The following RAD51B variants were observed in gnomAD, a reference collection of about 807,000 sequenced individuals.
RAD51B encodes the protein DNA repair protein RAD51 homolog 2.
In RAD51B, 38 loss-of-function variants were observed where a neutral mutation model predicts 42.2. The observed-to-expected ratio is 0.90, with a 90% CI of 0.70 to 1.18. RAD51B has a LOEUF of 1.18. RAD51B is among the 50% of genes most tolerant of loss of function. RAD51B has a pLI of 0.00. For synonymous variants in RAD51B, 154 were observed against 145.2 expected, an observed-to-expected ratio of 1.06 and a Z score of -0.43; for missense variants, 373 against 400.7, an observed-to-expected ratio of 0.93 and a Z score of 0.59.
chr14:67,935,405 C>T (rs2044901452), intron 7 of RAD51B, among the ~76,000 whole-genome samples: 1 of 152,114 alleles, frequency 6.6e-6, no homozygotes, highest in African/African-American at 2.4e-5. Context: ...TGCTCTCTTG[C>T]CCAAATGGGA....
downstream of RAD51B, among the ~76,000 whole-genome samples, chr14:68,478,999 C>T (rs1882947483): frequency 6.6e-6 from 1 of 152,088 alleles, no homozygotes; most frequent in African/African-American, 2.4e-5. Context: ...CCCCGGGCAG[C>T]AAGGGCAATA....
chr14:68,562,518 G>A, intron 10 of RAD51B: 1 of 985,398 alleles, frequency 1.0e-6, no homozygotes, highest in African/African-American at 1.7e-5. Context: ...CTGCAGGGTG[G>A]AGCCAGCACC....
chr14:67,855,859 TTCC>T (rs2041980778), intron 4 of RAD51B, among the ~76,000 whole-genome samples: 1 of 152,194 alleles, frequency 6.6e-6, no homozygotes, highest in Non-Finnish European at 1.5e-5. Flanking sequence ...CAAATGGATG[TTCC>T]TTGAGTACAG....
At chr14:68,559,740 G>C (rs574843647) in intron 10 of RAD51B, among the ~76,000 whole-genome samples, 9 of 152,294 alleles carry the variant, frequency 5.9e-5, no homozygotes, top group Admixed American at 3.3e-4. Flanking sequence ...GGTGTTTGTA[G>C]TCCTTTTTCT....
chr14:68,599,538 A>G (rs1891136506), downstream of RAD51B, among the ~76,000 whole-genome samples: 2 of 152,194 alleles, frequency 1.3e-5, no homozygotes, highest in Non-Finnish European at 2.9e-5. Context: ...TCAAATGAAA[A>G]CAGAAAGTCA....
intron 7 of RAD51B, 49 bp downstream of exon 7, chr14:67,887,253 T>G (rs757055448): frequency 3.5e-6 from 5 of 1,433,294 alleles, no homozygotes; most frequent in Middle Eastern, 3.9e-4. Context: ...TTTTGTTTCT[T>G]TTATATTACA....
chr14:68,332,319 T>G (rs1270760700), intron 8 of RAD51B, among the ~76,000 whole-genome samples: 1 of 152,224 alleles, frequency 6.6e-6, no homozygotes, highest in African/African-American at 2.4e-5. Context: ...ACATGTATAT[T>G]ATACATCTCT....
intron 10 of RAD51B, among the ~76,000 whole-genome samples, chr14:68,574,731 C>T (rs1423834282): frequency 6.6e-6 from 1 of 152,252 alleles, no homozygotes; most frequent in Admixed American, 6.5e-5. Flanking sequence ...GTGTCCCCAT[C>T]ACCCTTCTCC....
Position 68,291,973 on chromosome 14 carries a change from G to C in RAD51B, c.846G>C (p.Leu282=). 6.2e-7 allele frequency: 1 copy of C among 1,612,076 alleles called. No individual in the cohort carries two copies. The highest frequency in any genetic ancestry group is 8.5e-7 in the Non-Finnish European group (1 of 1,178,212). The part of the protein sequence containing the change: ...DLVSPADDLS[L]SEGTSGSSCV... ...TGTCTCCAGCTGATGATTTGTCCCT[G>C]TCTGAAGGTAAGGAATCTGTCCTGG... Residue 282 remains leucine, a synonymous_variant, in exon 8 of 11, where the codon CTG becomes CTC. Coordinates refer to ENST00000471583, the MANE Select transcript of RAD51B (RefSeq NM_133510.4).
intron 10 of RAD51B, among the ~76,000 whole-genome samples, chr14:68,495,359 C>G (rs545581569): frequency 6.6e-6 from 1 of 152,202 alleles, no homozygotes; most frequent in South Asian, 2.1e-4. Context: ...TCCTCCGAGC[C>G]CCTTTGCTTT....
chr14:68,636,390 C>G (rs898831009), intron 10 of RAD51B, among the ~76,000 whole-genome samples: 46 of 152,050 alleles, frequency 3.0e-4, no homozygotes. Context: ...CGAGACCAGC[C>G]TGGCCAACAT....
At chr14:68,499,223 G>A (rs1324433969) in intron 10 of RAD51B, among the ~76,000 whole-genome samples, 2 of 152,178 alleles carry the variant, frequency 1.3e-5, no homozygotes, top group East Asian at 3.9e-4. Context: ...ACTAAGAACA[G>A]GAAGCCCTGG....
At chr14:67,999,991 G>T (rs2075451537) in intron 7 of RAD51B, among the ~76,000 whole-genome samples, 1 of 151,414 alleles carries the variant, frequency 6.6e-6, no homozygotes, top group Admixed American at 6.6e-5. Flanking sequence ...AGCAATTTAG[G>T]TCTTAAAAAC....
intron 8 of RAD51B, among the ~76,000 whole-genome samples, chr14:68,328,375 T>A (rs897186917): frequency 2.6e-5 from 4 of 152,178 alleles, no homozygotes; most frequent in Non-Finnish European, 4.4e-5. Flanking sequence ...TCCATTGTCC[T>A]TAAGTGTTTA....
intron 7 of RAD51B, among the ~76,000 whole-genome samples, chr14:68,186,945 A>G (rs1219867209): frequency 6.6e-6 from 1 of 152,208 alleles, no homozygotes; most frequent in Non-Finnish European, 1.5e-5. Context: ...TATTCACGAT[A>G]GCAAAGACAT....
intron 6 of RAD51B, among the ~76,000 whole-genome samples, chr14:67,886,436 A>C (rs1270055077): frequency 1.3e-5 from 2 of 152,128 alleles, no homozygotes; most frequent in Non-Finnish European, 2.9e-5. Context: ...AAGCTCCCTA[A>C]TATAGTTGTT....
intron 7 of RAD51B, among the ~76,000 whole-genome samples, chr14:67,916,560 A>G (rs2044157946): frequency 6.6e-6 from 1 of 150,582 alleles, no homozygotes; most frequent in South Asian, 2.1e-4. Flanking sequence ...TTTTTTTTTT[A>G]TTAGAAACAT....
At chr14:68,329,981 C>CAAA (rs57191974) in intron 8 of RAD51B, among the ~76,000 whole-genome samples, 1 of 113,856 alleles carries the variant, frequency 8.8e-6, no homozygotes, top group South Asian at 2.8e-4. Context: ...GACTCTGTCT[C>CAAA]AAAAAAAAAA....
At chr14:68,040,848 A>G (rs1331587906) in intron 7 of RAD51B, among the ~76,000 whole-genome samples, 1 of 152,202 alleles carries the variant, frequency 6.6e-6, no homozygotes, top group Non-Finnish European at 1.5e-5. Flanking sequence ...CTGCATTTGA[A>G]CAAGATCCTC....
Sources: gnomAD v4.1 joint callset for allele counts (sites outside exome capture counted in the v4.1 genomes callset) on GRCh38, gnomAD v4.1.1 for gene constraint, MANE v1.5 for transcripts, NCBI Gene and HGNC (gene_info 2026-07-23, HGNC 2026-07-21) for gene names.